Variants in RNF157 observed in about 807,000 individuals in gnomAD.
RNF157 encodes the protein ring finger protein 157, also known as E3 ubiquitin ligase RNF157.
Under a neutral mutation model 88.3 loss-of-function variants are expected in RNF157, and 55 were observed. That is an observed-to-expected ratio of 0.62 (90% CI 0.50 to 0.78). The LOEUF (loss-of-function observed/expected upper bound fraction) is 0.78. Ranked by LOEUF, RNF157 falls within the 30% of genes least tolerant of loss-of-function variation. The probability of loss-of-function intolerance (pLI) is 0.00; values close to 1 mark genes in which losing one functional copy is unlikely to be tolerated. For synonymous variants in RNF157, 334 were observed against 341.2 expected (o/e 0.98, Z 0.23); for missense variants, 788 against 860.8 (o/e 0.92, Z 1.06).
intron 8 of RNF157, 107 bp downstream of exon 8, chr17:76,164,641 C>A (rs563788052): frequency 2.4e-4 from 141 of 576,906 alleles, no homozygotes; most frequent in South Asian, 7.1e-4. Flanking sequence ...AAGGAGAGAG[C>A]AAAAAGTAAA....
intron 3 of RNF157, among the ~76,000 whole-genome samples, chr17:76,172,606 T>C: frequency 5.4e-5 from 1 of 18,438 alleles, no homozygotes; most frequent in East Asian, 1.8e-3. Context: ...AAACTCCATC[T>C]CAAAAAAAAA....
chr17:76,226,752 G>C (rs61741757), intron 1 of RNF157: 53 of 1,594,582 alleles, frequency 3.3e-5, no homozygotes, highest in Non-Finnish European at 4.4e-5. Context: ...TGGTCGAAGG[G>C]GGACATCAAG....
rs2069094301 is a variant in RNF157, at chr17:76,175,835, TAAAAAG to T, written c.208-2051_208-2046del. ...CTCCCTGCCGCAAAAGAGAGAAAAA[TAAAAAG>T]AAAGAAAAAAAAATCCTGGCACTCT... On this transcript the variant is annotated intron_variant, in intron 2 of 18. Transcript: ENST00000269391. 4.1e-6 allele frequency: 4 copies of T among 970,466 alleles called. No individual in the cohort carries two copies. In the South Asian group the frequency reaches 1.9e-4, roughly 46 times the overall value. 60.1% of individuals were successfully genotyped at this position (970,466 alleles called of 1,614,324 possible). A position where few individuals can be genotyped will look rare whatever the true frequency, so the allele number is the denominator to read the frequency against.
intron 8 of RNF157, 185 bp downstream of exon 8, chr17:76,164,563 A>G (rs1012452367): frequency 2.0e-5 from 9 of 445,548 alleles, no homozygotes; most frequent in Admixed American, 4.0e-5. Flanking sequence ...CGTTTGTAAT[A>G]GCTTGTAACA....
Position 76,161,964 on chromosome 17 carries a change from A to G in RNF157, c.831T>C (p.Cys277=). 6.2e-7 allele frequency: 1 copy of G among 1,614,180 alleles called. No homozygotes were observed. The highest frequency in any genetic ancestry group is 8.5e-7 in the Non-Finnish European group (1 of 1,180,042). The change falls in exon 10 of 19, where the codon TGT becomes TGC. Residue 277 remains cysteine, a synonymous_variant. Coordinates refer to ENST00000269391, the MANE Select transcript of RNF157 (RefSeq NM_052916.3). This position sits in a 1 kb window ranked among gnomAD's most constrained non-coding sequence, Gnocchi z 4.6. Reference sequence around the variant, plus strand: ...CCCGGACATCCGAGAGACACACCACACACTCGGCACTGTTATCACTCACTT... The same window carrying G: ...CCCGGACATCCGAGAGACACACCACGCACTCGGCACTGTTATCACTCACTT... ...EDEVSDNSAE[C]VVCLSDVRDT...
intron 1 of RNF157, chr17:76,225,629 C>T (rs1363498900): frequency 2.4e-6 from 2 of 846,756 alleles, no homozygotes; most frequent in East Asian, 2.9e-5. Context: ...TATGGCATGA[C>T]CTCATTGTTT....
At chr17:76,177,980 C>T (rs984746905) in intron 2 of RNF157, among the ~76,000 whole-genome samples, 21 of 152,308 alleles carry the variant, frequency 1.4e-4, no homozygotes, top group African/African-American at 3.9e-4. Flanking sequence ...CTACCCACTG[C>T]GGGTATCCTC....
At chr17:76,169,771 G>T (rs1038173328) in intron 3 of RNF157, among the ~76,000 whole-genome samples, 12 of 151,850 alleles carry the variant, frequency 7.9e-5, no homozygotes, top group African/African-American at 2.9e-4. Context: ...TGTAGAGATG[G>T]GGTTTCTCCA....
Position 76,156,258 on chromosome 17 carries a change from A to G in RNF157, c.1477T>C (p.Ser493Pro), listed in dbSNP as rs770186707. 38 of 1,613,994 alleles carry G rather than the reference A, an allele frequency of 2.4e-5. No individual in the cohort carries two copies. In the Admixed American group the frequency reaches 6.2e-4, roughly 26 times the overall value. The change falls in exon 14 of 19, where the codon TCG becomes CCG. Residue 493 changes from serine to proline, a missense_variant. Transcript: ENST00000269391. ...TLSSSGAIDQ[S>P]SCTGTPLSST... ...GACAGAGGCGTCCCTGTGCAAGACGACTGGTCAATAGCTCCAGATGACGAC... is the reference window on the plus strand; with the variant it reads ...GACAGAGGCGTCCCTGTGCAAGACGGCTGGTCAATAGCTCCAGATGACGAC...
At chr17:76,230,138 T>C (rs540877867) in intron 1 of RNF157, among the ~76,000 whole-genome samples, 27 of 152,298 alleles carry the variant, frequency 1.8e-4, no homozygotes, top group African/African-American at 6.5e-4. Context: ...AACTGGATCA[T>C]GGGAGTCAAA....
At chr17:76,156,702 C>A (rs2068770347) in intron 13 of RNF157, among the ~76,000 whole-genome samples, 1 of 152,216 alleles carries the variant, frequency 6.6e-6, no homozygotes, top group Non-Finnish European at 1.5e-5. Flanking sequence ...CAGAGGACTT[C>A]CTGCCTGCAG....
intron 1 of RNF157, among the ~76,000 whole-genome samples, chr17:76,228,824 G>A (rs1400570574): frequency 1.3e-5 from 2 of 152,106 alleles, no homozygotes; most frequent in Non-Finnish European, 2.9e-5. Context: ...GGGAGGCTGA[G>A]GCAGGCGGAG....
chr17:76,167,932 TCA>T, intron 3 of RNF157, 135 bp from the exon 4 acceptor site: 4 of 865,082 alleles, frequency 4.6e-6, no homozygotes, highest in Admixed American at 2.6e-5. Context: ...TTCTGAATGA[TCA>T]CAGAGTGCTT....
rs73360613 is a variant in RNF157 at position 76,188,589 on chromosome 17, C to T, written c.208-14799G>A. 3.0e-3 allele frequency among the ~76,000 whole-genome samples: 452 copies of T among 152,312 alleles called. 3 individuals carry two copies. Among genetic ancestry groups the T allele is most frequent in the African/African-American group, 0.01 (427 of 41,560 alleles). ...AGCAAAGATGGTGCAATAGATGCAA[C>T]AGATAATTCCCCCCAAAGCAATGCA... is the stretch of plus-strand genomic sequence containing the variant. On this transcript the variant is annotated intron_variant, in intron 2 of 18. Coordinates refer to ENST00000269391, the MANE Select transcript of RNF157 (RefSeq NM_052916.3).
chr17:76,197,952 C>G (rs1256527116), intron 2 of RNF157, among the ~76,000 whole-genome samples: 1 of 152,170 alleles, frequency 6.6e-6, no homozygotes, highest in Non-Finnish European at 1.5e-5. Flanking sequence ...AAATAGCCCT[C>G]TCCCTTGAAG....
intron 1 of RNF157, among the ~76,000 whole-genome samples, chr17:76,234,969 A>G (rs1243806100): frequency 6.6e-6 from 1 of 152,204 alleles, no homozygotes; most frequent in African/African-American, 2.4e-5. Context: ...AACCGAAAAT[A>G]AATGTAAGGA....
chr17:76,214,126 G>T (rs1053525911), intron 1 of RNF157, among the ~76,000 whole-genome samples: 1 of 152,164 alleles, frequency 6.6e-6, no homozygotes, highest in Non-Finnish European at 1.5e-5. Flanking sequence ...TGGGGCTTGC[G>T]ATGGGCATCA....
At chr17:76,162,051 C>G in intron 9 of RNF157, 49 bp from the exon 10 acceptor site, 1 of 1,579,486 alleles carries the variant, frequency 6.3e-7, no homozygotes, top group Non-Finnish European at 8.6e-7. Context: ...CCCTTCCTGT[C>G]CCATACTTTA....
chr17:76,198,770 C>A (rs1242207760), intron 2 of RNF157, among the ~76,000 whole-genome samples: 2 of 152,244 alleles, frequency 1.3e-5, no homozygotes, highest in African/African-American at 4.8e-5. Flanking sequence ...TGGTTCCCCA[C>A]ACCTACAGGA....
Sources: allele counts gnomAD v4.1 joint callset (sites outside exome capture counted in the v4.1 genomes callset), GRCh38; gene constraint gnomAD v4.1.1; non-coding constraint Gnocchi (gnomAD v3.1); transcripts MANE v1.5; gene names NCBI Gene and HGNC (gene_info 2026-07-23, HGNC 2026-07-21).